Variants in KPNB1 observed in about 807,000 individuals in gnomAD.
KPNB1 encodes karyopherin subunit beta 1, also known as importin subunit beta-1.
Under a neutral mutation model 113.0 loss-of-function variants are expected in KPNB1, and 7 were observed. The observed-to-expected ratio is 0.06, with a 90% CI of 0.04 to 0.12. The LOEUF (loss-of-function observed/expected upper bound fraction) is 0.12, where lower values mean the gene tolerates loss of function less well. Ranked by LOEUF, KPNB1 falls within the 10% of genes least tolerant of loss-of-function variation. KPNB1 has a pLI of 1.00. For synonymous variants in KPNB1, 363 were observed against 378.6 expected (o/e 0.96, Z 0.48); for missense variants, 400 against 1,054.8 (o/e 0.38, Z 8.60).
intron 2 of KPNB1, 129 bp downstream of exon 2, chr17:47,650,573 C>A (rs1915522059): frequency 2.7e-6 from 2 of 752,242 alleles, no homozygotes; most frequent in African/African-American, 1.7e-5. Context: ...CCCCCTCCCC[C>A]TCCCCCCCCA....
Position 47,652,720 on chromosome 17 carries a change from A to C in KPNB1, c.126A>C (p.Arg42Ser). ...CCACTTTCCTTGTGGAACTGTCCAG[A>C]GTGCTGGCAAATCCAGGAAACAGTC... Reference protein sequence around the residue: ...NLPTFLVELSRVLANPGNSQV... With the variant: ...NLPTFLVELSSVLANPGNSQV... Residue 42 changes from arginine (R) to serine (S), a missense_variant, in exon 3 of 22, where the codon AGA becomes AGC. Coordinates refer to ENST00000290158, the MANE Select transcript of KPNB1 (RefSeq NM_002265.6). The C allele has an allele frequency of 6.2e-7, 1 of 1,608,546 alleles. No individual in the cohort carries two copies. The highest frequency in any genetic ancestry group is 8.5e-7 in the Non-Finnish European group (1 of 1,178,300).
intron 5 of KPNB1, among the ~76,000 whole-genome samples, chr17:47,660,297 T>G (rs2030055712): frequency 6.6e-6 from 1 of 152,240 alleles, no homozygotes; most frequent in South Asian, 2.1e-4. Flanking sequence ...AATTGGCTTT[T>G]TAAGGGTGAT....
rs2030568124 is a variant in KPNB1 at position 47,675,361 on chromosome 17, G to GTTTTTGTTTTTTTTTT, written c.1912+584_1912+585insGTTTTTTTTTTTTTTT. Among the ~76,000 whole-genome samples the GTTTTTGTTTTTTTTTT allele has an allele frequency of 3.9e-4, 35 of 88,686 alleles. 1 individual carries two copies. The highest frequency in any genetic ancestry group is 1.3e-3 in the Admixed American group (11 of 8,738). 58.2% of individuals were successfully genotyped at this position (88,686 alleles called of 152,430 possible). Reference sequence around the variant, plus strand: ...TGCAACGGAGATTGGCAGAGGTGTTGTTTTTTTTTTGTTTTTTTTTTTTGT... The same window carrying GTTTTTGTTTTTTTTTT: ...TGCAACGGAGATTGGCAGAGGTGTTGTTTTTGTTTTTTTTTTTTTTTTTTTTGTTTTTTTTTTTTGT... On this transcript the variant is annotated intron_variant, in intron 15 of 21. Transcript: ENST00000290158.
chr17:47,668,834 A>T (rs1270316609), intron 10 of KPNB1, among the ~76,000 whole-genome samples: 1 of 151,994 alleles, frequency 6.6e-6, no homozygotes, highest in African/African-American at 2.4e-5. Flanking sequence ...TAATAATGGC[A>T]TTATTATTCT....
chr17:47,673,271 T>C, intron 13 of KPNB1, 106 bp downstream of exon 13: 2 of 1,163,540 alleles, frequency 1.7e-6, no homozygotes, highest in Non-Finnish European at 2.5e-6. Context: ...TAAGTATATA[T>C]TTTCTCAGAA....
In KPNB1 at chr17:47,681,046, A is replaced by G. The variant is rs946985686; in HGVS notation, c.2630+377A>G. ...GCTCTAGAGAAGATTTCCAAAGTCA[A>G]ATGTTTTTTTGTGTGTGTGTGTGTG... On this transcript the variant is annotated intron_variant, in intron 21 of 21. Transcript: ENST00000290158. Among the ~76,000 whole-genome samples the G allele has an allele frequency of 2.2e-5, 3 of 137,922 alleles. No homozygotes were observed. The Admixed American group carries it at 2.3e-4, about 11-fold the overall frequency. 90.5% of individuals were successfully genotyped at this position (137,922 alleles called of 152,430 possible). A position where few individuals can be genotyped will look rare whatever the true frequency, so the allele number is the denominator to read the frequency against.
chr17:47,650,577 C>G, intron 2 of KPNB1, 133 bp downstream of exon 2: 1 of 748,710 alleles, frequency 1.3e-6, no homozygotes, highest in Non-Finnish European at 2.2e-6. Flanking sequence ...CTCCCCCTCC[C>G]CCCCCAACCC....
In KPNB1 at chr17:47,656,916, G is replaced by A. The variant is rs766535900; in HGVS notation, c.339G>A (p.Val113=). The A allele has an allele frequency of 1.2e-6, 2 of 1,614,152 alleles. No individual in the cohort carries two copies. Among genetic ancestry groups the A allele is most frequent in the Non-Finnish European group, 1.7e-6 (2 of 1,180,028 alleles). ...GGCCTAGTTCTGCCTCACAGTGTGT[G>A]GCTGGTATTGCTTGTGCAGAGATCC... ...TYRPSSASQC[V]AGIACAEIPV... Residue 113 remains valine, a synonymous_variant, in exon 4 of 22, where the codon GTG becomes GTA. Coordinates refer to ENST00000290158, the MANE Select transcript of KPNB1 (RefSeq NM_002265.6).
intron 5 of KPNB1, 36 bp from the exon 6 acceptor site, chr17:47,661,083 C>T (rs1347380893): frequency 1.3e-6 from 2 of 1,534,330 alleles, no homozygotes; most frequent in African/African-American, 1.4e-5. Context: ...ACAGGTTATG[C>T]TCTCCTAATT....
At chr17:47,670,968 G>A in intron 12 of KPNB1, 136 bp downstream of exon 12, 1 of 836,008 alleles carries the variant, frequency 1.2e-6, no homozygotes, top group South Asian at 2.3e-5. Flanking sequence ...GGAATTAAAA[G>A]AAACCCGCTG....
intron 7 of KPNB1, among the ~76,000 whole-genome samples, chr17:47,663,684 C>G (rs1217533552): frequency 6.6e-6 from 1 of 151,386 alleles, no homozygotes; most frequent in African/African-American, 2.4e-5. Context: ...AAGAAACAAC[C>G]TGCATTTTGA....
chr17:47,652,809 T>C lies in KPNB1; in HGVS notation c.215T>C (p.Ile72Thr), dbSNP rs1021754817. ...KNSLTSKDPD[I>T]KAQYQQRWLA... is the part of the protein sequence containing the mutation. ...TCTTTGACATCTAAAGATCCAGATA[T>C]CAAGGCACAATATCAGCAGAGGTGG... Residue 72 changes from isoleucine to threonine, a missense_variant, in exon 3 of 22, where the codon ATC (isoleucine) becomes ACC (threonine). Physicochemically the swap from Ile to Thr is moderately conservative, Grantham distance 89 (BLOSUM62 -1). Coordinates refer to ENST00000290158, the MANE Select transcript of KPNB1 (RefSeq NM_002265.6). 1.2e-6 allele frequency: 2 copies of C among 1,612,232 alleles called. No individual in the cohort carries two copies. Among genetic ancestry groups the C allele is most frequent in the Non-Finnish European group, 1.7e-6 (2 of 1,179,480 alleles).
intron 8 of KPNB1, among the ~76,000 whole-genome samples, chr17:47,664,653 T>C (rs2030211804): frequency 6.6e-6 from 1 of 152,196 alleles, no homozygotes; most frequent in South Asian, 2.1e-4. Flanking sequence ...TGGAAGAGAA[T>C]GGGGAGTTCT....
rs114171869 is a variant in KPNB1, at chr17:47,679,458, A to G, written c.2354-562A>G. On this transcript the variant is annotated intron_variant, in intron 19 of 21. Transcript: ENST00000290158. ...TTACTTCACCCCCCTTGGTATCATT[A>G]GCTCAGGAAAAAGTTAAATTTGTTT... Among the ~76,000 whole-genome samples, 893 of 152,274 alleles carry G rather than the reference A, an allele frequency of 5.9e-3. 11 individuals carry two copies. Among genetic ancestry groups the G allele is most frequent in the African/African-American group, 0.019 (777 of 41,534 alleles).
chr17:47,681,537 A>G (rs1442498097), intron 21 of KPNB1, among the ~76,000 whole-genome samples: 2 of 150,616 alleles, frequency 1.3e-5, no homozygotes, highest in Non-Finnish European at 3.0e-5. Context: ...CTCCCAAAGT[A>G]CTGGGATTAC....
intron 21 of KPNB1, among the ~76,000 whole-genome samples, chr17:47,681,686 G>GT (rs59222945): frequency 0.046 from 4,382 of 96,042 alleles, 155 homozygotes; most frequent in Non-Finnish European, 0.054. Context: ...GGAATTATAG[G>GT]TTTTTTTTTT....
At chr17:47,668,097 C>G (rs2030346246) in intron 9 of KPNB1, 89 bp from the exon 10 acceptor site, 3 of 992,108 alleles carry the variant, frequency 3.0e-6, no homozygotes, top group Middle Eastern at 3.2e-4. Context: ...AGTTTAAGTT[C>G]TAAAGACATT....
At chr17:47,666,501 ATGT>A (rs1412435684) in intron 9 of KPNB1, among the ~76,000 whole-genome samples, 5 of 137,670 alleles carry the variant, frequency 3.6e-5, no homozygotes. Flanking sequence ...ATTTTATATA[ATGT>A]TATATATTAT....
At chr17:47,679,863 A>AT (rs987414188) in intron 19 of KPNB1, 157 bp from the exon 20 acceptor site, 46 of 534,000 alleles carry the variant, frequency 8.6e-5, no homozygotes, top group African/African-American at 1.9e-5. Flanking sequence ...CGCCCGGCTA[A>AT]TTTTTTTGTA....
Sources: allele counts gnomAD v4.1 joint callset (sites outside exome capture counted in the v4.1 genomes callset), GRCh38; gene constraint gnomAD v4.1.1; transcripts MANE v1.5; gene names NCBI Gene and HGNC (gene_info 2026-07-23, HGNC 2026-07-21).